CNIH3: variants seen among roughly 807,000 people sequenced by gnomAD.
The protein encoded by CNIH3 is protein cornichon homolog 3.
In CNIH3, 14 loss-of-function variants were observed where a neutral mutation model predicts 24.1. The ratio of observed to expected loss-of-function variants is 0.58; its 90% CI spans 0.38 to 0.91. CNIH3 has a LOEUF of 0.91. Ranked by LOEUF, CNIH3 falls within the 40% of genes least tolerant of loss-of-function variation. The pLI is 0.00. For synonymous variants in CNIH3, 68 were observed against 73.8 expected (o/e 0.92, Z 0.40); for missense variants, 178 against 196.8 (o/e 0.90, Z 0.57).
chr1:224,477,262 T>C (rs1041469423), intron 1 of CNIH3, among the ~76,000 whole-genome samples: 4 of 151,096 alleles, frequency 2.6e-5, no homozygotes, highest in African/African-American at 9.9e-5. Context: ...GAGCAAAAGT[T>C]CACGATGTGA....
At chr1:224,648,855 T>C (rs1230246973) in intron 1 of CNIH3, among the ~76,000 whole-genome samples, 1 of 152,194 alleles carries the variant, frequency 6.6e-6, no homozygotes, top group Non-Finnish European at 1.5e-5. Flanking sequence ...TCAGCCCTGC[T>C]ACAAGCATGA....
chr1:224,476,384 T>C (rs937411138), intron 1 of CNIH3, among the ~76,000 whole-genome samples: 6 of 152,204 alleles, frequency 3.9e-5, no homozygotes, highest in African/African-American at 1.4e-4. Flanking sequence ...TAGTAAAGTT[T>C]CAGGATACAA....
chr1:224,627,905 G>A lies in CNIH3; in HGVS notation c.81+10650G>A, dbSNP rs1683619995. On this transcript the variant is annotated intron_variant, in intron 1 of 5. Transcript: ENST00000272133. Reference sequence around the variant, plus strand: ...ACCTTTCATCACCACCTGAGTCTCAGAGGCCATTGTCTTGAAAGAATGATT... The same window carrying A: ...ACCTTTCATCACCACCTGAGTCTCAAAGGCCATTGTCTTGAAAGAATGATT... Among the ~76,000 whole-genome samples the A allele has an allele frequency of 2.0e-5, 3 of 152,274 alleles. No individual in the cohort carries two copies. The South Asian group carries it at 6.2e-4, about 32-fold the overall frequency.
chr1:224,566,844 T>C (rs1438174801), intron 4 of CNIH3, among the ~76,000 whole-genome samples: 1 of 152,228 alleles, frequency 6.6e-6, no homozygotes, highest in Non-Finnish European at 1.5e-5. Context: ...TGCATGTGTC[T>C]TTACAGTAGA....
chr1:224,567,922 G>C (rs1466877420), intron 4 of CNIH3, among the ~76,000 whole-genome samples: 1 of 152,130 alleles, frequency 6.6e-6, no homozygotes, highest in Non-Finnish European at 1.5e-5. Flanking sequence ...GTCTGATCCT[G>C]TGGCATTCTT....
At chr1:224,465,444 T>TCAAGTTATA (rs1263803169) in intron 1 of CNIH3, among the ~76,000 whole-genome samples, 1 of 152,216 alleles carries the variant, frequency 6.6e-6, no homozygotes, top group Non-Finnish European at 1.5e-5. Flanking sequence ...CAGTCTACCT[T>TCAAGTTATA]CAAGTTATAT....
At chr1:224,516,248 A>G (rs1678374401) in intron 1 of CNIH3, among the ~76,000 whole-genome samples, 3 of 136,822 alleles carry the variant, frequency 2.2e-5, no homozygotes, top group Non-Finnish European at 4.6e-5. Context: ...CAGGAGGCGG[A>G]GGTTGCAGTG....
chr1:224,637,280 A>T (rs1447578126), intron 1 of CNIH3, among the ~76,000 whole-genome samples: 1 of 152,108 alleles, frequency 6.6e-6, no homozygotes, highest in African/African-American at 2.4e-5. Context: ...TTGTGAGCAG[A>T]TATTTCCATC....
chr1:224,588,983 T>TTTTTTTTTTTG, downstream of CNIH3, among the ~76,000 whole-genome samples: 3 of 150,538 alleles, frequency 2.0e-5, no homozygotes, highest in South Asian at 2.1e-4. Flanking sequence ...TTTTTTTTTT[T>TTTTTTTTTTTG]GGAGCCATTT....
At chr1:224,649,504 T>G (rs1168159284) in intron 1 of CNIH3, among the ~76,000 whole-genome samples, 1 of 152,206 alleles carries the variant, frequency 6.6e-6, no homozygotes, top group African/African-American at 2.4e-5. Context: ...GAACTAATAC[T>G]ATAATGTATA....
intron 3 of CNIH3, among the ~76,000 whole-genome samples, chr1:224,553,973 G>A (rs929123535): frequency 6.6e-6 from 1 of 152,086 alleles, no homozygotes; most frequent in Non-Finnish European, 1.5e-5. Flanking sequence ...TCAGTTTGTT[G>A]AGGATTCATT....
rs116760557 is a variant in CNIH3, at chr1:224,583,962, C to T, written n.620+695C>T. On this transcript the variant is annotated intron_variant and non_coding_transcript_variant, in intron 5 of 5. Coordinates refer to the CNIH3 transcript ENST00000471578. ...TGTATGTGATGTTCTGGACCATACC[C>T]CACTTCCTGTCGTATTTTCCACATT... Among the ~76,000 whole-genome samples the T allele has an allele frequency of 6.0e-3, 913 of 152,270 alleles. 7 individuals carry two copies. Among genetic ancestry groups the T allele is most frequent in the Non-Finnish European group, 0.011 (737 of 68,020 alleles).
intron 1 of CNIH3, among the ~76,000 whole-genome samples, chr1:224,466,291 T>A (rs1009018474): frequency 9.8e-5 from 15 of 152,376 alleles, no homozygotes; most frequent in African/African-American, 3.4e-4. Flanking sequence ...GCCATTCTTC[T>A]GTTCTCCATC....
At chr1:224,639,611 C>T (rs1406667667) in intron 1 of CNIH3, among the ~76,000 whole-genome samples, 1 of 152,202 alleles carries the variant, frequency 6.6e-6, no homozygotes, top group Non-Finnish European at 1.5e-5. Context: ...AGTTGTTTTT[C>T]AGAAACCTGG....
chr1:224,452,520 A>T (rs375237487), intron 1 of CNIH3, among the ~76,000 whole-genome samples: 12 of 151,760 alleles, frequency 7.9e-5, no homozygotes, highest in Admixed American at 2.6e-4. Context: ...GGTGGCTCAC[A>T]CCTGTAATCC....
At position 224,608,450 on chromosome 1, in the gene CNIH3, G is replaced by T. The variant is rs575604360; in HGVS notation, n.402+42186G>T. On this transcript the variant is annotated intron_variant and non_coding_transcript_variant, in intron 3 of 7. Transcript: ENST00000478120. ...TTTAAGGGCTTACAACTCTAAGGGG[G>T]TCCACGTGAGAGGGTCGTAATCGAT... Among the ~76,000 whole-genome samples, 5 of 152,270 alleles carry T rather than the reference G, an allele frequency of 3.3e-5. No homozygotes were observed. In the East Asian group the frequency reaches 9.7e-4, roughly 29 times the overall value.
At chr1:224,565,316 G>C (rs777764421) in intron 3 of CNIH3, 2 of 152,218 alleles carry the variant, frequency 1.3e-5, no homozygotes, top group Non-Finnish European at 2.9e-5. Context: ...CTGGCATTGT[G>C]TCTGCAACCA....
At chr1:224,497,123 A>C (rs1292450492) in intron 1 of CNIH3, among the ~76,000 whole-genome samples, 2 of 152,270 alleles carry the variant, frequency 1.3e-5, no homozygotes, top group Non-Finnish European at 2.9e-5. Flanking sequence ...AGTCACAAAA[A>C]AACTACATTT....
rs1681233050 is a variant in CNIH3 at position 224,580,616 on chromosome 1, C to T, written n.517-2548C>T. Among the ~76,000 whole-genome samples the T allele has an allele frequency of 2.6e-5, 4 of 151,874 alleles. No individual in the cohort carries two copies. In the South Asian group the frequency reaches 8.3e-4, roughly 32 times the overall value. ...GCCCAAGGTGGGTGGATCATGAGGT[C>T]AGGAGATCGAGACCATCCTGGCTAA... On this transcript the variant is annotated intron_variant and non_coding_transcript_variant, in intron 4 of 5. Coordinates refer to the CNIH3 transcript ENST00000471578.
Sources: gnomAD v4.1 joint callset for allele counts (sites outside exome capture counted in the v4.1 genomes callset) on GRCh38, gnomAD v4.1.1 for gene constraint, MANE v1.5 for transcripts, NCBI Gene and HGNC (gene_info 2026-07-23, HGNC 2026-07-21) for gene names.